The following CSMD3 variants were observed in gnomAD, a reference collection of about 807,000 sequenced individuals.
The protein encoded by CSMD3 is CUB and sushi domain-containing protein 3.
A neutral mutation model predicts 435.2 loss-of-function variants in CSMD3; 177 were observed. The ratio of observed to expected loss-of-function variants is 0.41; its 90% CI spans 0.36 to 0.46. CSMD3 has a LOEUF of 0.46. CSMD3 is among the 20% of genes least tolerant of loss of function. The probability of loss-of-function intolerance (pLI) is 0.34; values close to 1 mark genes in which losing one functional copy is unlikely to be tolerated. For synonymous variants in CSMD3, 1,656 were observed against 1,520.5 expected (o/e 1.09, Z -2.07); for missense variants, 4,265 against 4,504.6 (o/e 0.95, Z 1.52).
chr8:113,191,674 G>A (rs562836858), intron 3 of CSMD3, among the ~76,000 whole-genome samples: 1 of 151,774 alleles, frequency 6.6e-6, no homozygotes, highest in African/African-American at 2.4e-5. Flanking sequence ...TGGGCACCTA[G>A]GCTGATTCCA....
chr8:112,653,893 C>T (rs372144191), intron 18 of CSMD3, among the ~76,000 whole-genome samples: 64 of 152,086 alleles, frequency 4.2e-4, no homozygotes, highest in Admixed American at 2.4e-3. Flanking sequence ...CTCCTGACCT[C>T]GTGATCTGCC....
intron 5 of CSMD3, among the ~76,000 whole-genome samples, chr8:113,078,529 A>G (rs2089437242): frequency 6.6e-6 from 1 of 152,314 alleles, no homozygotes; most frequent in Admixed American, 6.5e-5. Flanking sequence ...AATAAAATAC[A>G]TGAACATAAA....
At chr8:112,824,943 A>G (rs373006538) in intron 12 of CSMD3, among the ~76,000 whole-genome samples, 5 of 152,172 alleles carry the variant, frequency 3.3e-5, no homozygotes, top group African/African-American at 9.7e-5. Context: ...CCATACTCCA[A>G]TCAATCATAG....
chr8:113,310,858 T>C (rs539786725), intron 2 of CSMD3: 1 of 151,690 alleles, frequency 6.6e-6, no homozygotes, highest in Non-Finnish European at 1.5e-5. Flanking sequence ...AACAAAAATA[T>C]AATAGAATGA....
chr8:112,248,061 C>A (rs1424583217), intron 63 of CSMD3, among the ~76,000 whole-genome samples: 1 of 151,916 alleles, frequency 6.6e-6, no homozygotes, highest in Non-Finnish European at 1.5e-5. Flanking sequence ...AACAAATCAC[C>A]AGAGTAATGT....
intron 65 of CSMD3, among the ~76,000 whole-genome samples, chr8:112,244,036 C>G (rs1012851155): frequency 7.9e-5 from 12 of 152,140 alleles, no homozygotes; most frequent in Admixed American, 2.0e-4. Flanking sequence ...CTGCTGACAC[C>G]TTAATTTTGG....
intron 1 of CSMD3, among the ~76,000 whole-genome samples, chr8:113,423,042 C>T (rs1182600111): frequency 1.3e-5 from 2 of 151,752 alleles, no homozygotes; most frequent in African/African-American, 4.8e-5. Flanking sequence ...TATAAATAGC[C>T]TGAATATAAT....
chr8:112,322,313 A>G (rs1823073725), intron 45 of CSMD3, among the ~76,000 whole-genome samples: 1 of 151,968 alleles, frequency 6.6e-6, no homozygotes, highest in Non-Finnish European at 1.5e-5. Flanking sequence ...AAAGGTTGTA[A>G]TTTTTTACTA....
At chr8:112,926,240 A>ATATG (rs139443958) in intron 9 of CSMD3, among the ~76,000 whole-genome samples, 3 of 150,282 alleles carry the variant, frequency 2.0e-5, no homozygotes, top group Non-Finnish European at 4.4e-5. Context: ...CTCATTAAAT[A>ATATG]TGTGTGTGTG....
chr8:113,394,924 G>A (rs2094476458), intron 1 of CSMD3, among the ~76,000 whole-genome samples: 2 of 152,146 alleles, frequency 1.3e-5, no homozygotes, highest in Non-Finnish European at 2.9e-5. Context: ...CTGAGAATTT[G>A]AAGGTGAGAA....
At chr8:113,429,186 T>C (rs937297254) in intron 1 of CSMD3, among the ~76,000 whole-genome samples, 4 of 151,744 alleles carry the variant, frequency 2.6e-5, no homozygotes, top group Admixed American at 6.6e-5. Context: ...TCTTATACCA[T>C]TAATATTTAT....
intron 21 of CSMD3, 136 bp from the exon 22 acceptor site, chr8:112,637,141 C>A (rs1697131101): frequency 1.4e-6 from 1 of 698,178 alleles, no homozygotes; most frequent in African/African-American, 1.8e-5. Flanking sequence ...GAATAGCTAT[C>A]AGAACGTACA....
intron 1 of CSMD3, among the ~76,000 whole-genome samples, chr8:113,370,882 C>A (rs2133049715): frequency 6.6e-6 from 1 of 152,090 alleles, no homozygotes; most frequent in South Asian, 2.1e-4. Flanking sequence ...AAGTTACATG[C>A]AATAAAGTCA....
At chr8:112,232,162 A>G (rs1813149128) in intron 68 of CSMD3, among the ~76,000 whole-genome samples, 3 of 152,220 alleles carry the variant, frequency 2.0e-5, no homozygotes, top group Non-Finnish European at 4.4e-5. Flanking sequence ...CCAGCCACAA[A>G]AGGCCACATA....
intron 32 of CSMD3, among the ~76,000 whole-genome samples, chr8:112,432,348 G>T (rs893027945): frequency 6.6e-6 from 1 of 152,058 alleles, no homozygotes; most frequent in African/African-American, 2.4e-5. Flanking sequence ...TTGTTGCCCA[G>T]TCTGGAGTGC....
intron 16 of CSMD3, among the ~76,000 whole-genome samples, chr8:112,668,781 G>A (rs2075586571): frequency 1.3e-5 from 2 of 151,764 alleles, no homozygotes; most frequent in African/African-American, 4.8e-5. Flanking sequence ...GGAGAGACAT[G>A]CTTATATGGG....
At chr8:112,994,490 A>G (rs1246489889) in intron 6 of CSMD3, among the ~76,000 whole-genome samples, 1 of 151,732 alleles carries the variant, frequency 6.6e-6, no homozygotes, top group Non-Finnish European at 1.5e-5. Flanking sequence ...ATTATCATAC[A>G]GGAAATTAGA....
At chr8:112,740,900 G>C (rs1247218855) in intron 13 of CSMD3, among the ~76,000 whole-genome samples, 1 of 151,932 alleles carries the variant, frequency 6.6e-6, no homozygotes, top group East Asian at 1.9e-4. Context: ...AAGAAGTATG[G>C]AGGGGAAAAT....
chr8:112,462,649 T>C (rs1293384969), intron 32 of CSMD3, among the ~76,000 whole-genome samples: 2 of 151,110 alleles, frequency 1.3e-5, no homozygotes, highest in South Asian at 2.1e-4. Context: ...GGAAAGATAA[T>C]ATAATAACAA....
Sources: allele counts gnomAD v4.1 joint callset (sites outside exome capture counted in the v4.1 genomes callset), GRCh38; gene constraint gnomAD v4.1.1; transcripts MANE v1.5; gene names NCBI Gene and HGNC (gene_info 2026-07-23, HGNC 2026-07-21).